GALNT13: variants seen among roughly 807,000 people sequenced by gnomAD.
GALNT13 encodes the protein polypeptide N-acetylgalactosaminyltransferase 13.
Under a neutral mutation model 64.2 loss-of-function variants are expected in GALNT13, and 28 were observed. The ratio of observed to expected loss-of-function variants is 0.44; its 90% CI spans 0.32 to 0.60. The LOEUF is 0.60. Among genes scored for constraint, GALNT13 ranks in the 20% least tolerant of loss-of-function variants. The pLI is 0.05. For missense variants in GALNT13, 577 were observed against 669.8 expected, an observed-to-expected ratio of 0.86 and a Z score of 1.53; for synonymous variants, 214 against 224.6, an observed-to-expected ratio of 0.95 and a Z score of 0.42.
At chr2:153,146,237 A>T in the GALNT13 span, among the ~76,000 whole-genome samples, 1 of 151,124 alleles carries the variant, frequency 6.6e-6, no homozygotes, top group Non-Finnish European at 1.5e-5. Context: ...GTAGGATCAG[A>T]TCCTGGGACC....
At chr2:153,909,083 A>G (rs1558847279) in intron 2 of GALNT13, among the ~76,000 whole-genome samples, 1 of 152,018 alleles carries the variant, frequency 6.6e-6, no homozygotes. Context: ...TGCTTTGAGC[A>G]GTGTTTTGTG....
intron 9 of GALNT13, among the ~76,000 whole-genome samples, chr2:154,339,017 GA>G (rs1441385304): frequency 6.6e-6 from 1 of 152,104 alleles, no homozygotes; most frequent in Non-Finnish European, 1.5e-5. Flanking sequence ...TTGGAGAAAA[GA>G]AATTAGACCA....
intron 3 of GALNT13, among the ~76,000 whole-genome samples, chr2:154,099,159 T>G (rs1261803040): frequency 6.6e-6 from 1 of 152,172 alleles, no homozygotes; most frequent in Non-Finnish European, 1.5e-5. Flanking sequence ...TTTGCATTTG[T>G]CTAACAATTA....
rs1299295195 is a variant in GALNT13, at chr2:154,452,640, T to C, written c.*2089T>C. 6.6e-6 allele frequency: 1 copy of C among 152,170 alleles called. No homozygotes were observed. Among genetic ancestry groups the C allele is most frequent in the Non-Finnish European group, 1.5e-5 (1 of 68,032 alleles). 9.4% of individuals were successfully genotyped at this position (152,170 alleles called of 1,614,324 possible). A position where few individuals can be genotyped will look rare whatever the true frequency, so the allele number is the denominator to read the frequency against. ...AGAATTTTAAATATGTGAAAGTTCATTGTGGTCATGGTGAGAAAACTAAAA... is the reference window on the plus strand; with the variant it reads ...AGAATTTTAAATATGTGAAAGTTCACTGTGGTCATGGTGAGAAAACTAAAA... On this transcript the variant is annotated 3_prime_UTR_variant, in exon 13 of 13. Transcript: ENST00000392825.
chr2:154,324,274 T>G (rs1260265034), intron 9 of GALNT13, among the ~76,000 whole-genome samples: 1 of 152,092 alleles, frequency 6.6e-6, no homozygotes, highest in Admixed American at 6.6e-5. Context: ...TCTTCGTCTT[T>G]TTATTATTTT....
chr2:153,601,521 A>G, the GALNT13 span, among the ~76,000 whole-genome samples: 8 of 151,556 alleles, frequency 5.3e-5, no homozygotes, highest in African/African-American at 1.9e-4. Context: ...TTTTTTTTCA[A>G]CATTCTCACA....
At chr2:153,385,734 G>A in the GALNT13 span, among the ~76,000 whole-genome samples, 1 of 151,904 alleles carries the variant, frequency 6.6e-6, no homozygotes, top group Non-Finnish European at 1.5e-5. Flanking sequence ...GTAATACAAA[G>A]GATAAATGCT....
At chr2:153,576,729 AT>A in the GALNT13 span, among the ~76,000 whole-genome samples, 1 of 152,014 alleles carries the variant, frequency 6.6e-6, no homozygotes, top group African/African-American at 2.4e-5. Context: ...GGCTCCCCTG[AT>A]TTTTAGTTCT....
At chr2:154,177,641 A>G (rs1190054207) in intron 4 of GALNT13, among the ~76,000 whole-genome samples, 3 of 152,334 alleles carry the variant, frequency 2.0e-5, no homozygotes, top group Non-Finnish European at 4.4e-5. Flanking sequence ...TGTTAGTAAC[A>G]GGGATACTGT....
At chr2:153,710,175 C>A in the GALNT13 span, among the ~76,000 whole-genome samples, 1 of 152,078 alleles carries the variant, frequency 6.6e-6, no homozygotes, top group Non-Finnish European at 1.5e-5. Flanking sequence ...GTGATAGATA[C>A]ATTAGTTACG....
the GALNT13 span, among the ~76,000 whole-genome samples, chr2:153,153,279 C>T: frequency 6.6e-6 from 1 of 151,826 alleles, no homozygotes; most frequent in Non-Finnish European, 1.5e-5. Flanking sequence ...TGTTTAAGTT[C>T]CTTATAGATG....
At chr2:154,137,538 A>T (rs1000387828) in intron 3 of GALNT13, among the ~76,000 whole-genome samples, 6 of 152,168 alleles carry the variant, frequency 3.9e-5, no homozygotes, top group Non-Finnish European at 5.9e-5. Context: ...ATTGATTATG[A>T]TACCAAAACA....
chr2:153,602,795 C>T, the GALNT13 span, among the ~76,000 whole-genome samples: 1 of 151,658 alleles, frequency 6.6e-6, no homozygotes, highest in African/African-American at 2.4e-5. Flanking sequence ...ATTGCTCTGG[C>T]ACCATGTGAA....
intron 3 of GALNT13, among the ~76,000 whole-genome samples, chr2:153,957,886 A>G (rs780890356): frequency 2.3e-4 from 35 of 152,094 alleles, no homozygotes; most frequent in Non-Finnish European, 8.8e-5. Flanking sequence ...GTAAGTCATG[A>G]TGAGTTAAAT....
intron 9 of GALNT13, among the ~76,000 whole-genome samples, chr2:154,379,731 T>G (rs979943214): frequency 3.3e-5 from 5 of 152,058 alleles, no homozygotes; most frequent in Non-Finnish European, 7.4e-5. Flanking sequence ...TTTAATGCTG[T>G]TAAAATTTAC....
chr2:153,387,040 A>T, the GALNT13 span, among the ~76,000 whole-genome samples: 1 of 152,146 alleles, frequency 6.6e-6, no homozygotes, highest in African/African-American at 2.4e-5. Context: ...TTAGAAAAGG[A>T]AAATGATTTT....
intron 3 of GALNT13, among the ~76,000 whole-genome samples, chr2:153,991,603 T>A (rs759323730): frequency 2.6e-5 from 4 of 152,080 alleles, no homozygotes; most frequent in African/African-American, 4.8e-5. Flanking sequence ...AAGAATGAAC[T>A]TAGTGTAGGT....
At chr2:153,828,578 C>G in the GALNT13 span, among the ~76,000 whole-genome samples, 2 of 152,140 alleles carry the variant, frequency 1.3e-5, no homozygotes, top group Admixed American at 1.3e-4. Flanking sequence ...AGCATGGAGA[C>G]CTTGAACCTG....
chr2:153,795,081 G>A, the GALNT13 span, among the ~76,000 whole-genome samples: 1 of 152,130 alleles, frequency 6.6e-6, no homozygotes. Context: ...GAGCCGGGGA[G>A]GGTGGTTGTG....
Sources: gnomAD v4.1 joint callset for allele counts (sites outside exome capture counted in the v4.1 genomes callset) on GRCh38, gnomAD v4.1.1 for gene constraint, MANE v1.5 for transcripts, NCBI Gene and HGNC (gene_info 2026-07-23, HGNC 2026-07-21) for gene names.